Variants in CEP112 observed in about 807,000 individuals in gnomAD.
CEP112 encodes the protein centrosomal protein of 112 kDa.
CEP112 carries 127 observed loss-of-function variants against 153.0 expected under a neutral mutation model. The observed-to-expected ratio is 0.83, with a 90% CI of 0.72 to 0.96. The LOEUF (loss-of-function observed/expected upper bound fraction) is 0.96. Ranked by LOEUF, CEP112 falls within the 40% of genes least tolerant of loss-of-function variation. CEP112 has a pLI of 0.00. For missense variants in CEP112, 1,089 were observed against 1,101.2 expected (o/e 0.99, Z 0.16); for synonymous variants, 358 against 374.4 (o/e 0.96, Z 0.51).
intron 8 of CEP112, among the ~76,000 whole-genome samples, chr17:66,090,910 C>G (rs980918902): frequency 2.0e-5 from 3 of 151,964 alleles, no homozygotes; most frequent in African/African-American, 7.2e-5. Flanking sequence ...ATAACACTGA[C>G]TTAAAATCAA....
At chr17:65,946,848 G>T (rs191723445) in intron 18 of CEP112, among the ~76,000 whole-genome samples, 1 of 151,972 alleles carries the variant, frequency 6.6e-6, no homozygotes, top group East Asian at 1.9e-4. Context: ...GCTTATTCAG[G>T]TCTTCTTTAG....
At chr17:65,768,403 G>T (rs747359547) in intron 21 of CEP112, among the ~76,000 whole-genome samples, 1 of 152,016 alleles carries the variant, frequency 6.6e-6, no homozygotes, top group South Asian at 2.1e-4. Context: ...CTGCAGATAA[G>T]TAGACCCATG....
At chr17:66,175,780 C>T (rs1206861311) in intron 3 of CEP112, among the ~76,000 whole-genome samples, 4 of 152,202 alleles carry the variant, frequency 2.6e-5, no homozygotes, top group Non-Finnish European at 5.9e-5. Flanking sequence ...AAGCCCTTCC[C>T]TTTGATTCTA....
At chr17:66,005,821 T>A in intron 16 of CEP112, 52 bp from the exon 17 acceptor site, 1 of 1,466,468 alleles carries the variant, frequency 6.8e-7, no homozygotes, top group Non-Finnish European at 9.3e-7. Flanking sequence ...AAAGTTTACT[T>A]CAAAGAGACA....
intron 22 of CEP112, among the ~76,000 whole-genome samples, chr17:65,747,336 C>T (rs1325844887): frequency 6.6e-6 from 1 of 152,146 alleles, no homozygotes; most frequent in African/African-American, 2.4e-5. Context: ...GTGGAATATT[C>T]CCAGGTACTA....
intron 21 of CEP112, among the ~76,000 whole-genome samples, chr17:65,778,650 G>C (rs2053826867): frequency 1.3e-5 from 2 of 152,142 alleles, no homozygotes. Context: ...ATAGCTTTTA[G>C]ATAAAAAGAT....
chr17:65,744,561 T>G (rs1251188545), intron 22 of CEP112, among the ~76,000 whole-genome samples: 1 of 152,210 alleles, frequency 6.6e-6, no homozygotes, highest in Admixed American at 6.5e-5. Flanking sequence ...TTATGTTTCT[T>G]TAAAACAAGG....
chr17:65,650,589 C>T (rs1014831086), intron 24 of CEP112, among the ~76,000 whole-genome samples: 16 of 151,886 alleles, frequency 1.1e-4, no homozygotes, highest in Non-Finnish European at 1.0e-4. Context: ...CAGAGATGTT[C>T]GTCTTGCTTT....
intron 4 of CEP112, among the ~76,000 whole-genome samples, chr17:66,166,903 CA>C (rs10714039): frequency 0.6 from 52,609 of 88,390 alleles, 12,651 homozygotes; most frequent in Middle Eastern, 0.66. Flanking sequence ...GACTCCATCT[CA>C]AAAAAAAAAA....
At chr17:66,071,800 A>T (rs2067316670) in intron 8 of CEP112, among the ~76,000 whole-genome samples, 1 of 152,190 alleles carries the variant, frequency 6.6e-6, no homozygotes, top group South Asian at 2.1e-4. Context: ...TAGAGCAAAT[A>T]CACAAAGATT....
intron 23 of CEP112, among the ~76,000 whole-genome samples, chr17:65,713,656 A>C (rs1052249652): frequency 6.6e-6 from 1 of 152,004 alleles, no homozygotes; most frequent in African/African-American, 2.4e-5. Context: ...GCACGATCTC[A>C]GCTCACTGCA....
intron 8 of CEP112, among the ~76,000 whole-genome samples, chr17:66,086,283 T>G (rs1156908365): frequency 1.3e-5 from 2 of 151,742 alleles, no homozygotes; most frequent in Non-Finnish European, 2.9e-5. Flanking sequence ...CATGTAAGGC[T>G]CTAACAAACT....
At chr17:66,089,454 CAGTA>C (rs1251310222) in intron 8 of CEP112, among the ~76,000 whole-genome samples, 1 of 152,014 alleles carries the variant, frequency 6.6e-6, no homozygotes, top group Non-Finnish European at 1.5e-5. Context: ...ATCAGAAAAA[CAGTA>C]AGTGTATAAA....
intron 16 of CEP112, among the ~76,000 whole-genome samples, chr17:66,021,228 C>T (rs1324692123): frequency 6.6e-6 from 1 of 152,046 alleles, no homozygotes; most frequent in African/African-American, 2.4e-5. Context: ...ATATCAAGCT[C>T]GGCGGGTCCC....
At chr17:65,666,567 C>A (rs752288981) in intron 24 of CEP112, among the ~76,000 whole-genome samples, 3 of 152,022 alleles carry the variant, frequency 2.0e-5, no homozygotes, top group Non-Finnish European at 4.4e-5. Context: ...TGCAAGCCAT[C>A]AAAGTAGGAA....
At position 65,947,378 on chromosome 17, in the gene CEP112, G is replaced by A. The variant is rs2061684461; in HGVS notation, c.1872+14085C>T. ...ATTCATAAATTTTTTATGAATAAAT[G>A]AAAGAAAAAATCCCGTCTGTTGAAT... On this transcript the variant is annotated intron_variant, in intron 18 of 26. Coordinates refer to ENST00000535342, the MANE Select transcript of CEP112 (RefSeq NM_001199165.4). 3.9e-5 allele frequency among the ~76,000 whole-genome samples: 6 copies of A among 152,164 alleles called. 1 individual carries two copies. The South Asian group carries it at 1.2e-3, about 32-fold the overall frequency.
chr17:66,168,459 ATATG>A lies in CEP112; in HGVS notation c.470+6581_470+6584del, dbSNP rs754842730. On this transcript the variant is annotated intron_variant, in intron 4 of 26. Coordinates refer to ENST00000535342, the MANE Select transcript of CEP112 (RefSeq NM_001199165.4). The stretch of plus-strand genomic sequence containing the variant: ...TATATATATGTGTGTGTATATATGT[ATATG>A]TGTGTGTATATATGTATATATGTGT... 2.5e-3 allele frequency among the ~76,000 whole-genome samples: 348 copies of A among 137,266 alleles called. 9 individuals are homozygous for A. The highest frequency in any genetic ancestry group is 0.024 in the Admixed American group (336 of 13,780). 90.1% of individuals were successfully genotyped at this position (137,266 alleles called of 152,430 possible).
intron 6 of CEP112, among the ~76,000 whole-genome samples, chr17:66,112,561 G>GAT (rs1330928967): frequency 6.6e-6 from 1 of 152,038 alleles, no homozygotes; most frequent in Non-Finnish European, 1.5e-5. Flanking sequence ...TACATGAATT[G>GAT]GTACTTTTAC....
At chr17:66,149,758 C>T (rs1338849584) in intron 4 of CEP112, among the ~76,000 whole-genome samples, 2 of 151,036 alleles carry the variant, frequency 1.3e-5, no homozygotes, top group African/African-American at 4.9e-5. Context: ...AAACCCAACT[C>T]TTAGTTTCAT....
Sources: allele counts gnomAD v4.1 joint callset (sites outside exome capture counted in the v4.1 genomes callset), GRCh38; gene constraint gnomAD v4.1.1; transcripts MANE v1.5; gene names NCBI Gene and HGNC (gene_info 2026-07-23, HGNC 2026-07-21).